AGPAT4: variants seen among roughly 807,000 people sequenced by gnomAD.
AGPAT4 encodes the protein 1-acylglycerol-3-phosphate O-acyltransferase 4.
Under a neutral mutation model 48.0 loss-of-function variants are expected in AGPAT4, and 15 were observed. The ratio of observed to expected loss-of-function variants is 0.31; its 90% confidence interval spans 0.21 to 0.48. AGPAT4 has a LOEUF of 0.48. Ranked by LOEUF, AGPAT4 falls within the 20% of genes least tolerant of loss-of-function variation. The probability of loss-of-function intolerance (pLI) is 0.99; values close to 1 mark genes in which losing one functional copy is unlikely to be tolerated. For synonymous variants in AGPAT4, 178 were observed against 198.7 expected (o/e 0.90, Z 0.88); for missense variants, 314 against 482.5 (o/e 0.65, Z 3.27).
Position 161,149,010 on chromosome 6 carries a change from G to T in AGPAT4, c.767+177C>A, listed in dbSNP as rs1002948885. 6.6e-6 allele frequency among the ~76,000 whole-genome samples: 1 copy of T among 152,184 alleles called. No individual in the cohort carries two copies. Among genetic ancestry groups the T allele is most frequent in the Non-Finnish European group, 1.5e-5 (1 of 68,038 alleles). ...CAGAGGATCCGGAAGGAGCTGGGACGGAAGGAGACTTCAGCAGATCATTCC... is the reference window on the plus strand; with the variant it reads ...CAGAGGATCCGGAAGGAGCTGGGACTGAAGGAGACTTCAGCAGATCATTCC... On this transcript the variant is annotated intron_variant, in intron 6 of 8. Coordinates refer to ENST00000320285, the MANE Select transcript of AGPAT4 (RefSeq NM_020133.3). This position sits in a 1 kb window ranked among gnomAD's most constrained non-coding sequence, Gnocchi z 6.5.
chr6:161,200,049 A>T lies in AGPAT4; in HGVS notation c.178+31987T>A, dbSNP rs141906653. On this transcript the variant is annotated intron_variant, in intron 2 of 8. Transcript: ENST00000320285. This position sits in a 1 kb window ranked among gnomAD's most constrained non-coding sequence, Gnocchi z 5.5. ...GGGCAACAAGGGGAAGGAGAGAGGGAAAGGAAGGGCACTGAGGAGGGCTTC... is the reference window on the plus strand; with the variant it reads ...GGGCAACAAGGGGAAGGAGAGAGGGTAAGGAAGGGCACTGAGGAGGGCTTC... 8.9e-4 allele frequency among the ~76,000 whole-genome samples: 136 copies of T among 152,284 alleles called. 1 individual carries two copies. The South Asian group carries it at 0.012, about 13-fold the overall frequency.
rs1339501819 is a variant in AGPAT4 at position 161,161,395 on chromosome 6, G to A, written c.348+4853C>T. ...CACCATTATCGGGTTCCTCATCCAT[G>A]TGATTCCAGATCCCAGCACACTTGC... is the stretch of plus-strand genomic sequence containing the variant. On this transcript the variant is annotated intron_variant, in intron 3 of 8. Transcript: ENST00000320285. The surrounding 1 kb of genome is among the most constrained non-coding windows in gnomAD (Gnocchi z 4.6). 4 of 456,734 alleles carry A rather than the reference G, an allele frequency of 8.8e-6. No individual in the cohort carries two copies. In the Admixed American group the frequency reaches 9.4e-5, roughly 11 times the overall value. The allele number at this position is 456,734 out of a possible 1,614,324, so 28.3% of individuals were successfully genotyped here.
Position 161,159,610 on chromosome 6 carries a change from C to A in AGPAT4, c.349-5300G>T, listed in dbSNP as rs113110074. On this transcript the variant is annotated intron_variant, in intron 3 of 8. Transcript: ENST00000320285. This position sits in a 1 kb window ranked among gnomAD's most constrained non-coding sequence, Gnocchi z 4.1. ...ATGAATCAGTTTGTGTGCACGCGTG[C>A]GTGTGTGTGTGTGTTCATCAAAAGG... Among the ~76,000 whole-genome samples the A allele has an allele frequency of 2.6e-5, 4 of 151,726 alleles. No individual in the cohort carries two copies. Among genetic ancestry groups the A allele is most frequent in the African/African-American group, 9.7e-5 (4 of 41,354 alleles).
rs79614893 is a variant in AGPAT4, at chr6:161,189,354, G to A, written c.179-22937C>T. ...AGGTCACAGCTCAGGTGATGGGTGG[G>A]GTCCAGGGAAGGGGCACGAACAGGA... On this transcript the variant is annotated intron_variant, in intron 2 of 8. Coordinates refer to ENST00000320285, the MANE Select transcript of AGPAT4 (RefSeq NM_020133.3). The surrounding 1 kb of genome is among the most constrained non-coding windows in gnomAD (Gnocchi z 5.3). 0.065 allele frequency among the ~76,000 whole-genome samples: 9,962 copies of A among 152,160 alleles called. 1,098 individuals carry two copies. Among genetic ancestry groups the A allele is most frequent in the African/African-American group, 0.23 (9,445 of 41,458 alleles).
At position 161,219,928 on chromosome 6, in the gene AGPAT4, A is replaced by AGGC. The variant is rs1348083718; in HGVS notation, c.178+12105_178+12107dup. 5.1e-4 allele frequency among the ~76,000 whole-genome samples: 75 copies of AGGC among 148,246 alleles called. 2 individuals are homozygous for AGGC. The East Asian group carries it at 9.1e-3, about 18-fold the overall frequency. On this transcript the variant is annotated intron_variant, in intron 2 of 8. Coordinates refer to ENST00000320285, the MANE Select transcript of AGPAT4 (RefSeq NM_020133.3). The surrounding 1 kb of genome is among the most constrained non-coding windows in gnomAD (Gnocchi z 4.9). The stretch of plus-strand genomic sequence containing the variant: ...GCAGGCAGGCAGGCGGCAGGCAGGC[A>AGGC]GGCAGGCAGGCAGGCAGGCAGACAG...
At position 161,184,833 on chromosome 6, in the gene AGPAT4, C is replaced by A. The variant is rs1400761071; in HGVS notation, c.179-18416G>T. ...GCCCTTAGATTTTGTTCTCTAAACACCGTACCTGTGGTGTGTGTAGTATTC... is the reference window on the plus strand; with the variant it reads ...GCCCTTAGATTTTGTTCTCTAAACAACGTACCTGTGGTGTGTGTAGTATTC... On this transcript the variant is annotated intron_variant, in intron 2 of 8. Coordinates refer to ENST00000320285, the MANE Select transcript of AGPAT4 (RefSeq NM_020133.3). The surrounding 1 kb of genome is among the most constrained non-coding windows in gnomAD (Gnocchi z 4.8). Among the ~76,000 whole-genome samples the A allele has an allele frequency of 6.6e-6, 1 of 152,106 alleles. No individual in the cohort carries two copies. The highest frequency in any genetic ancestry group is 1.5e-5 in the Non-Finnish European group (1 of 68,024).
At position 161,262,964 on chromosome 6, in the gene AGPAT4, C is replaced by G. The variant is rs1421169845; in HGVS notation, c.-90+10974G>C. 6.6e-6 allele frequency among the ~76,000 whole-genome samples: 1 copy of G among 152,078 alleles called. No individual in the cohort carries two copies. Among genetic ancestry groups the G allele is most frequent in the Non-Finnish European group, 1.5e-5 (1 of 68,032 alleles). ...GGAGCAAAGCAAGCCCTGGGCTATT[C>G]CAGAGAAAGCGAGGGAAGGCCCACC... On this transcript the variant is annotated intron_variant, in intron 1 of 8. Transcript: ENST00000320285. The surrounding 1 kb of genome is among the most constrained non-coding windows in gnomAD (Gnocchi z 4.9).
In AGPAT4 at chr6:161,134,547, G is replaced by A. The variant is rs977877144; in HGVS notation, c.*1993C>T. On this transcript the variant is annotated 3_prime_UTR_variant, in exon 9 of 9. Transcript: ENST00000320285. ...CTTTTACCCTTGACACACCCCAAGA[G>A]GTAGATATCGTCACCCCCATTTTGC... 2.0e-5 allele frequency: 3 copies of A among 152,140 alleles called. No individual in the cohort carries two copies. Among genetic ancestry groups the A allele is most frequent in the African/African-American group, 7.2e-5 (3 of 41,420 alleles). The allele number at this position is 152,140 out of a possible 1,614,324, so 9.4% of individuals were successfully genotyped here. A position where few individuals can be genotyped will look rare whatever the true frequency, so the allele number is the denominator to read the frequency against.
chr6:161,266,184 C>CA lies in AGPAT4; in HGVS notation c.-90+7753dup, dbSNP rs1783259872. Among the ~76,000 whole-genome samples the CA allele has an allele frequency of 6.6e-6, 1 of 152,124 alleles. No individual in the cohort carries two copies. Among genetic ancestry groups the CA allele is most frequent in the Non-Finnish European group, 1.5e-5 (1 of 68,028 alleles). On this transcript the variant is annotated intron_variant, in intron 1 of 8. Coordinates refer to ENST00000320285, the MANE Select transcript of AGPAT4 (RefSeq NM_020133.3). The surrounding 1 kb of genome is among the most constrained non-coding windows in gnomAD (Gnocchi z 6.2). ...ATGTGGCTGAGCATCCGATTCTGCA[C>CA]AGGTTGGCCTCTTCCACAATAAAGG...
chr6:161,136,870 T>C (rs1412462992), intron 8 of AGPAT4, among the ~76,000 whole-genome samples: 2 of 152,160 alleles, frequency 1.3e-5, no homozygotes, highest in African/African-American at 4.8e-5. Context: ...CCTTGGACCC[T>C]GAAGGTGAAT....
At chr6:161,237,063 T>C (rs563920603) in intron 1 of AGPAT4, among the ~76,000 whole-genome samples, 4 of 152,042 alleles carry the variant, frequency 2.6e-5, no homozygotes, top group African/African-American at 4.8e-5. Flanking sequence ...GGAAACCATA[T>C]CCGGATACAT....
chr6:161,184,494 T>C lies in AGPAT4; in HGVS notation c.179-18077A>G, dbSNP rs923333052. The stretch of plus-strand genomic sequence containing the variant: ...AGTCTGGCATTTGGGTTTGAACACA[T>C]CAGTCATCCTTGGCTTAGTGGTAGG... On this transcript the variant is annotated intron_variant, in intron 2 of 8. Transcript: ENST00000320285. This position sits in a 1 kb window ranked among gnomAD's most constrained non-coding sequence, Gnocchi z 4.8. Among the ~76,000 whole-genome samples the C allele has an allele frequency of 2.0e-5, 3 of 151,892 alleles. No individual in the cohort carries two copies. The highest frequency in any genetic ancestry group is 7.3e-5 in the African/African-American group (3 of 41,316).
intron 1 of AGPAT4, among the ~76,000 whole-genome samples, chr6:161,256,218 C>G (rs899506062): frequency 6.6e-6 from 1 of 152,152 alleles, no homozygotes; most frequent in East Asian, 1.9e-4. Flanking sequence ...TACCCTGGAT[C>G]CTGAGTATAG....
At chr6:161,239,172 G>A (rs1463357729) in intron 1 of AGPAT4, among the ~76,000 whole-genome samples, 4 of 152,290 alleles carry the variant, frequency 2.6e-5, no homozygotes, top group African/African-American at 9.6e-5. Flanking sequence ...TGGGACTGCT[G>A]AAGTGAGTTA....
Position 161,226,912 on chromosome 6 carries a change from G to A in AGPAT4, c.178+5124C>T, listed in dbSNP as rs1043580682. Among the ~76,000 whole-genome samples the A allele has an allele frequency of 6.6e-6, 1 of 152,154 alleles. No individual in the cohort carries two copies. The highest frequency in any genetic ancestry group is 2.4e-5 in the African/African-American group (1 of 41,444). The stretch of plus-strand genomic sequence containing the variant: ...ATCAGAATGACAGCTGACCTCCCTC[G>A]GGGGAGCTCCTAGGCAAAGCAGGGA... On this transcript the variant is annotated intron_variant, in intron 2 of 8. Coordinates refer to ENST00000320285, the MANE Select transcript of AGPAT4 (RefSeq NM_020133.3). This position sits in a 1 kb window ranked among gnomAD's most constrained non-coding sequence, Gnocchi z 6.3.
At chr6:161,248,817 A>G (rs1005928828) in intron 1 of AGPAT4, among the ~76,000 whole-genome samples, 6 of 152,176 alleles carry the variant, frequency 3.9e-5, no homozygotes, top group South Asian at 2.1e-4. Flanking sequence ...CTATTAATAG[A>G]AAAAACTATT....
chr6:161,216,982 T>G lies in AGPAT4; in HGVS notation c.178+15054A>C, dbSNP rs771035642. Among the ~76,000 whole-genome samples the G allele has an allele frequency of 2.6e-5, 4 of 152,250 alleles. No individual in the cohort carries two copies. Among genetic ancestry groups the G allele is most frequent in the Non-Finnish European group, 4.4e-5 (3 of 68,050 alleles). On this transcript the variant is annotated intron_variant, in intron 2 of 8. Coordinates refer to ENST00000320285, the MANE Select transcript of AGPAT4 (RefSeq NM_020133.3). The surrounding 1 kb of genome is among the most constrained non-coding windows in gnomAD (Gnocchi z 4.8). ...ATTTGACTTTCCCCTCACACGTGGCTCTGATTCACCTTTGCTCACCTGCTG... is the reference window on the plus strand; with the variant it reads ...ATTTGACTTTCCCCTCACACGTGGCGCTGATTCACCTTTGCTCACCTGCTG...
Position 161,220,697 on chromosome 6 carries a change from G to C in AGPAT4, c.178+11339C>G, listed in dbSNP as rs1194180947. ...CCTTCTGCCTTTCTCTATGTTTGAA[G>C]GACAGTTTCATTCTATCTTTCCTAC... On this transcript the variant is annotated intron_variant, in intron 2 of 8. Transcript: ENST00000320285. The surrounding 1 kb of genome is among the most constrained non-coding windows in gnomAD (Gnocchi z 6.0). Among the ~76,000 whole-genome samples, 1 of 152,168 alleles carries C rather than the reference G, an allele frequency of 6.6e-6. No individual in the cohort carries two copies. Among genetic ancestry groups the C allele is most frequent in the African/African-American group, 2.4e-5 (1 of 41,432 alleles).
chr6:161,210,716 C>T (rs909106129), intron 2 of AGPAT4, among the ~76,000 whole-genome samples: 2 of 152,112 alleles, frequency 1.3e-5, no homozygotes, highest in African/African-American at 4.8e-5. Flanking sequence ...TTTTTGTTTG[C>T]ATTTATTAAT....
Sources: gnomAD v4.1 joint callset for allele counts (sites outside exome capture counted in the v4.1 genomes callset) on GRCh38, gnomAD v4.1.1 for gene constraint, Gnocchi (gnomAD v3.1) non-coding constraint, MANE v1.5 for transcripts, NCBI Gene and HGNC (gene_info 2026-07-23, HGNC 2026-07-21) for gene names.